The following TASP1 variants were observed in gnomAD, a reference collection of about 807,000 sequenced individuals.
The protein encoded by TASP1 is threonine aspartase 1.
In TASP1, 16 loss-of-function variants were observed where a neutral mutation model predicts 56.6. The observed-to-expected ratio is 0.28, with a 90% CI of 0.19 to 0.43. TASP1 has a LOEUF of 0.43. Among genes scored for constraint, TASP1 ranks in the 20% least tolerant of loss-of-function variants. The probability of loss-of-function intolerance (pLI) is 1.00; values close to 1 mark genes in which losing one functional copy is unlikely to be tolerated. For synonymous variants in TASP1, 179 were observed against 184.2 expected (o/e 0.97, Z 0.23); for missense variants, 393 against 511.6 (o/e 0.77, Z 2.24).
chr20:13,297,734 G>C, the TASP1 span, among the ~76,000 whole-genome samples: 3 of 152,218 alleles, frequency 2.0e-5, no homozygotes, highest in Non-Finnish European at 4.4e-5. Flanking sequence ...TTCAAATAAA[G>C]CCAGGAATCC....
chr20:13,274,105 A>ATACC, the TASP1 span, among the ~76,000 whole-genome samples: 1 of 151,986 alleles, frequency 6.6e-6, no homozygotes, highest in African/African-American at 2.4e-5. Context: ...GCACACAAAC[A>ATACC]CACCCACACA....
chr20:13,398,307 A>G lies in TASP1; in HGVS notation c.1171-7855T>C, dbSNP rs74870788. Among the ~76,000 whole-genome samples the G allele has an allele frequency of 1.1e-3, 174 of 152,120 alleles. 2 individuals are homozygous for G. In the East Asian group the frequency reaches 0.031, roughly 27 times the overall value. ...CATGCCCCCAAAGAACTGTTAAGGC[A>G]CGGAGACCCAGAAAGCAGCATTTCT... is the stretch of plus-strand genomic sequence containing the variant. On this transcript the variant is annotated intron_variant, in intron 13 of 13. Transcript: ENST00000337743.
At chr20:13,374,745 T>G in the TASP1 span, among the ~76,000 whole-genome samples, 2 of 152,320 alleles carry the variant, frequency 1.3e-5, no homozygotes, top group East Asian at 3.9e-4. Context: ...TTGTTTTTGT[T>G]GCTGTTTCTT....
At chr20:13,429,074 C>A (rs1301246468) in intron 12 of TASP1, among the ~76,000 whole-genome samples, 1 of 152,190 alleles carries the variant, frequency 6.6e-6, no homozygotes, top group Non-Finnish European at 1.5e-5. Flanking sequence ...GTGTGTGTCA[C>A]TGGAGCTCAA....
chr20:13,568,104 C>G lies in TASP1; in HGVS notation c.568+1403G>C, dbSNP rs776383443. Among the ~76,000 whole-genome samples the G allele has an allele frequency of 3.4e-4, 51 of 152,126 alleles. 1 individual carries two copies. Among genetic ancestry groups the G allele is most frequent in the Admixed American group, 2.0e-3 (31 of 15,272 alleles). On this transcript the variant is annotated intron_variant, in intron 7 of 13. Transcript: ENST00000337743. ...ACACACACATTTCTCTTCCCTCTAG[C>G]CTCCCTATATTACAACTTTCAGCAT...
intron 10 of TASP1, among the ~76,000 whole-genome samples, chr20:13,492,848 G>A (rs1244124141): frequency 2.0e-5 from 3 of 152,112 alleles, no homozygotes; most frequent in Non-Finnish European, 2.9e-5. Context: ...CTCTTACAAA[G>A]TAGGGTGTGA....
intron 11 of TASP1, among the ~76,000 whole-genome samples, chr20:13,479,409 C>T (rs2043053967): frequency 6.6e-6 from 1 of 151,900 alleles, no homozygotes; most frequent in South Asian, 2.1e-4. Flanking sequence ...ACTTGAGATC[C>T]ACCATTAATA....
chr20:13,130,531 G>A, the TASP1 span, among the ~76,000 whole-genome samples: 1 of 152,238 alleles, frequency 6.6e-6, no homozygotes, highest in Non-Finnish European at 1.5e-5. Flanking sequence ...TGATGCCAAG[G>A]TTCAAAGATG....
At chr20:13,366,554 A>T in the TASP1 span, among the ~76,000 whole-genome samples, 1 of 152,140 alleles carries the variant, frequency 6.6e-6, no homozygotes, top group African/African-American at 2.4e-5. Context: ...TACTGAAAAG[A>T]TATTTATTGT....
At chr20:13,602,478 T>C (rs978686102) in intron 4 of TASP1, among the ~76,000 whole-genome samples, 5 of 152,206 alleles carry the variant, frequency 3.3e-5, no homozygotes, top group African/African-American at 1.2e-4. Context: ...ATGACAAATG[T>C]ACCTGCTAAT....
At chr20:13,352,459 A>G in the TASP1 span, among the ~76,000 whole-genome samples, 1 of 152,122 alleles carries the variant, frequency 6.6e-6, no homozygotes, top group Admixed American at 6.5e-5. Flanking sequence ...AAAAAAAAAA[A>G]AAAAAATGCA....
chr20:13,357,234 T>A, the TASP1 span, among the ~76,000 whole-genome samples: 1 of 147,342 alleles, frequency 6.8e-6, no homozygotes, highest in African/African-American at 2.7e-5. Context: ...CCATTGGGGC[T>A]GAGATAGGAA....
chr20:13,285,697 G>T, the TASP1 span, among the ~76,000 whole-genome samples: 2 of 152,152 alleles, frequency 1.3e-5, no homozygotes, highest in African/African-American at 4.8e-5. Flanking sequence ...CCAAGGGCGT[G>T]GATTTGGAAA....
At chr20:13,342,437 C>G in the TASP1 span, among the ~76,000 whole-genome samples, 1 of 152,202 alleles carries the variant, frequency 6.6e-6, no homozygotes, top group Non-Finnish European at 1.5e-5. Context: ...GTCAGAGGCT[C>G]TGAAATCTGG....
At chr20:13,473,707 A>C (rs2044609799) in intron 11 of TASP1, among the ~76,000 whole-genome samples, 1 of 152,232 alleles carries the variant, frequency 6.6e-6, no homozygotes, top group Non-Finnish European at 1.5e-5. Context: ...CTCTTTCCTT[A>C]ATCTACCAGA....
chr20:13,204,274 G>C, the TASP1 span, among the ~76,000 whole-genome samples: 367 of 152,216 alleles, frequency 2.4e-3, 2 homozygotes, highest in African/African-American at 8.4e-3. Context: ...ACTCCTCAGA[G>C]GGCTGAGTTG....
rs202059158 is a variant in TASP1 at position 13,581,433 on chromosome 20, T to G, written c.404-452A>C. The stretch of plus-strand genomic sequence containing the variant: ...GATTATAAACAGCTTCAAATTGACC[T>G]TGGAGAGAAAAATTAATGGGGGAAA... On this transcript the variant is annotated intron_variant, in intron 5 of 13. Transcript: ENST00000337743. 1.4e-4 allele frequency among the ~76,000 whole-genome samples: 21 copies of G among 152,274 alleles called. No homozygotes were observed. The East Asian group carries it at 4.1e-3, about 29-fold the overall frequency.
At chr20:13,573,794 A>C (rs1763451818) in intron 6 of TASP1, among the ~76,000 whole-genome samples, 2 of 152,226 alleles carry the variant, frequency 1.3e-5, no homozygotes, top group East Asian at 1.9e-4. Flanking sequence ...CATTAGGCAT[A>C]GGACAGTAAT....
At chr20:13,572,579 G>A (rs759307850) in intron 6 of TASP1, among the ~76,000 whole-genome samples, 32 of 151,336 alleles carry the variant, frequency 2.1e-4, no homozygotes, top group Admixed American at 1.5e-3. Flanking sequence ...CCAGCTACTC[G>A]GGAGGCTGAG....
Sources: gnomAD v4.1 joint callset for allele counts (sites outside exome capture counted in the v4.1 genomes callset) on GRCh38, gnomAD v4.1.1 for gene constraint, MANE v1.5 for transcripts, NCBI Gene and HGNC (gene_info 2026-07-23, HGNC 2026-07-21) for gene names.